The following GNAI1 variants were observed in gnomAD, a reference collection of about 807,000 sequenced individuals.
GNAI1 encodes guanine nucleotide-binding protein G(i) subunit alpha-1.
A neutral mutation model predicts 38.9 loss-of-function variants in GNAI1; 11 were observed. The ratio of observed to expected loss-of-function variants is 0.28; its 90% CI spans 0.18 to 0.47. GNAI1 has a LOEUF of 0.47. GNAI1 is among the 20% of genes least tolerant of loss of function. GNAI1 has a pLI of 0.99. For missense variants in GNAI1, 317 were observed against 436.9 expected (o/e 0.73, Z 2.45); for synonymous variants, 166 against 145.1 (o/e 1.14, Z -1.04).
chr7:80,207,338 C>T (rs1788793547), intron 5 of GNAI1, among the ~76,000 whole-genome samples: 1 of 152,008 alleles, frequency 6.6e-6, no homozygotes, highest in Non-Finnish European at 1.5e-5. Context: ...GTTTTCACTT[C>T]CAGCCTAGGT....
chr7:80,199,351 C>T lies in GNAI1; in HGVS notation c.430C>T (p.Arg144Ter). The T allele has an allele frequency of 6.2e-7, 1 of 1,610,556 alleles. No homozygotes were observed. The highest frequency in any genetic ancestry group is 8.5e-7 in the Non-Finnish European group (1 of 1,177,832). Reference sequence around the variant, plus strand: ...TGTACAAGCCTGTTTCAACAGATCCCGAGAGTACCAGCTTAATGATTCTGC... The same window carrying T: ...TGTACAAGCCTGTTTCAACAGATCCTGAGAGTACCAGCTTAATGATTCTGC... ...SGVQACFNRS[R>*]EYQLNDSAAY... Residue 144 changes from arginine to a stop codon, truncating the protein, a stop_gained, in exon 4 of 8, where the codon CGA (arginine) becomes TGA (stop). Transcript: ENST00000649796. LOFTEE classifies it high-confidence loss of function.
chr7:80,217,609 G>A lies in GNAI1; in HGVS notation c.*116G>A. ...TGTAATATAAGGCAAATGCATCTGG[G>A]ACTTGACCAAAGTTGTTCTGTTTTG... On this transcript the variant is annotated 3_prime_UTR_variant, in exon 8 of 8. Transcript: ENST00000649796. The A allele has an allele frequency of 3.8e-6, 2 of 530,088 alleles. No individual in the cohort carries two copies. The highest frequency in any genetic ancestry group is 6.5e-6 in the Non-Finnish European group (2 of 309,196). 32.8% of individuals were successfully genotyped at this position (530,088 alleles called of 1,614,324 possible). A position where few individuals can be genotyped will look rare whatever the true frequency, so the allele number is the denominator to read the frequency against.
chr7:80,204,317 T>C (rs972868075), intron 5 of GNAI1, among the ~76,000 whole-genome samples: 1 of 152,094 alleles, frequency 6.6e-6, no homozygotes, highest in Non-Finnish European at 1.5e-5. Context: ...CACTATTTCA[T>C]GATAAGAAGT....
At chr7:80,136,916 G>A (rs896522178) in intron 1 of GNAI1, among the ~76,000 whole-genome samples, 2 of 152,192 alleles carry the variant, frequency 1.3e-5, no homozygotes, top group South Asian at 4.1e-4. Flanking sequence ...TTTTGCTTAT[G>A]TTCAGAAGAG....
At chr7:80,156,042 C>CAAAAAAAAAA (rs1182960135) in intron 1 of GNAI1, among the ~76,000 whole-genome samples, 9 of 68,510 alleles carry the variant, frequency 1.3e-4, no homozygotes, top group Non-Finnish European at 1.8e-4. Flanking sequence ...GACTCTGTCT[C>CAAAAAAAAAA]AAAAAAAAAA....
chr7:80,149,824 A>T (rs1007351205), intron 1 of GNAI1, among the ~76,000 whole-genome samples: 2 of 152,174 alleles, frequency 1.3e-5, no homozygotes, highest in Non-Finnish European at 2.9e-5. Flanking sequence ...AGGCATTTTT[A>T]AAATTTACAT....
At chr7:80,168,928 G>A (rs1045184388) in intron 1 of GNAI1, among the ~76,000 whole-genome samples, 1 of 152,028 alleles carries the variant, frequency 6.6e-6, no homozygotes, top group African/African-American at 2.4e-5. Context: ...ATGATGTTAG[G>A]TTGACTGTCT....
chr7:80,199,461 T>G, intron 4 of GNAI1, 79 bp downstream of exon 4: 3 of 1,085,952 alleles, frequency 2.8e-6, no homozygotes, highest in Non-Finnish European at 4.0e-6. Context: ...TCAATTTTAC[T>G]GCAGAATTGG....
At chr7:80,180,454 A>T (rs1228933169) in intron 1 of GNAI1, among the ~76,000 whole-genome samples, 1 of 152,122 alleles carries the variant, frequency 6.6e-6, no homozygotes, top group Non-Finnish European at 1.5e-5. Flanking sequence ...CCTCTTCTGC[A>T]AAGGGCTGTA....
chr7:80,212,369 T>G (rs1788889900), intron 6 of GNAI1, among the ~76,000 whole-genome samples: 1 of 152,204 alleles, frequency 6.6e-6, no homozygotes, highest in African/African-American at 2.4e-5. Context: ...TATCTTCTAA[T>G]GGAAATTTAG....
chr7:80,150,244 T>A (rs1319352171), intron 1 of GNAI1, among the ~76,000 whole-genome samples: 1 of 152,172 alleles, frequency 6.6e-6, no homozygotes, highest in Non-Finnish European at 1.5e-5. Context: ...ACATTGTTAG[T>A]AATAGCAAAA....
At chr7:80,195,465 G>A (rs988792794) in intron 3 of GNAI1, among the ~76,000 whole-genome samples, 1 of 151,718 alleles carries the variant, frequency 6.6e-6, no homozygotes, top group Non-Finnish European at 1.5e-5. Context: ...TTACATGTAT[G>A]TATTCCTTAA....
Position 80,211,773 on chromosome 7 carries a change from G to A in GNAI1, c.720+675G>A, listed in dbSNP as rs568670431. Among the ~76,000 whole-genome samples, 27 of 152,182 alleles carry A rather than the reference G, an allele frequency of 1.8e-4. 1 individual carries two copies. In the South Asian group the frequency reaches 2.1e-3, roughly 12 times the overall value. ...TTGCTGCCCTGTAATTTTCAGATAGGTTTCAGTGTACCATTAATATGGGGG... is the reference window on the plus strand; with the variant it reads ...TTGCTGCCCTGTAATTTTCAGATAGATTTCAGTGTACCATTAATATGGGGG... On this transcript the variant is annotated intron_variant, in intron 6 of 7. Transcript: ENST00000649796.
chr7:80,216,299 TCA>T (rs1373923745), intron 7 of GNAI1, among the ~76,000 whole-genome samples: 1 of 151,802 alleles, frequency 6.6e-6, no homozygotes, highest in Non-Finnish European at 1.5e-5. Context: ...ATGCTTCCTC[TCA>T]GTCTTAACCA....
intron 3 of GNAI1, among the ~76,000 whole-genome samples, chr7:80,193,774 T>G (rs1373978714): frequency 6.6e-6 from 1 of 152,208 alleles, no homozygotes; most frequent in African/African-American, 2.4e-5. Flanking sequence ...TTTAAAATAT[T>G]AATTTATATT....
At chr7:80,158,175 T>C (rs568931593) in intron 1 of GNAI1, among the ~76,000 whole-genome samples, 18 of 152,352 alleles carry the variant, frequency 1.2e-4, no homozygotes, top group African/African-American at 4.3e-4. Flanking sequence ...ACTCCAACTT[T>C]GTTCTTCTCC....
At chr7:80,200,145 C>A (rs542057593) in intron 4 of GNAI1, among the ~76,000 whole-genome samples, 1 of 150,896 alleles carries the variant, frequency 6.6e-6, no homozygotes, top group African/African-American at 2.4e-5. Flanking sequence ...ACGAGACCTC[C>A]CCCCACCATC....
chr7:80,149,616 A>G (rs1222031424), intron 1 of GNAI1, among the ~76,000 whole-genome samples: 2 of 152,092 alleles, frequency 1.3e-5, no homozygotes, highest in African/African-American at 4.8e-5. Flanking sequence ...ACTCTAAAGA[A>G]GTTAATGTGC....
At chr7:80,205,590 A>ATT (rs5885170) in intron 5 of GNAI1, among the ~76,000 whole-genome samples, 1 of 151,438 alleles carries the variant, frequency 6.6e-6, no homozygotes, top group Non-Finnish European at 1.5e-5. Flanking sequence ...CCAGTTTGTG[A>ATT]TTTTTTTTTA....
Sources: allele counts gnomAD v4.1 joint callset (sites outside exome capture counted in the v4.1 genomes callset), GRCh38; gene constraint gnomAD v4.1.1; transcripts MANE v1.5; gene names NCBI Gene and HGNC (gene_info 2026-07-23, HGNC 2026-07-21).